The following IGFL2 variants were observed in gnomAD, a reference collection of about 807,000 sequenced individuals.
IGFL2 encodes the protein IGF like family member 2, also known as insulin growth factor-like family member 2.
IGFL2 carries 7 observed loss-of-function variants against 13.9 expected under a neutral mutation model. The ratio of observed to expected loss-of-function variants is 0.51; its 90% confidence interval spans 0.29 to 0.95. The LOEUF (loss-of-function observed/expected upper bound fraction) is 0.95. Among genes scored for constraint, IGFL2 ranks in the 40% least tolerant of loss-of-function variants. The pLI, the probability that IGFL2 is intolerant of heterozygous loss-of-function variation, is 0.08. For missense variants in IGFL2, 138 were observed against 147.8 expected, an observed-to-expected ratio of 0.93 and a Z score of 0.34; for synonymous variants, 55 against 55.8, an observed-to-expected ratio of 0.99 and a Z score of 0.07.
At chr19:46,198,035 C>A in the IGFL2 span, 8 of 117,690 alleles carry the variant, frequency 6.8e-5, no homozygotes, top group African/African-American at 2.2e-4. Context: ...CCCTTCCTTC[C>A]TTCCTTCCTG....
At chr19:46,084,368 C>T in the IGFL2 span, among the ~76,000 whole-genome samples, 1 of 152,176 alleles carries the variant, frequency 6.6e-6, no homozygotes, top group Non-Finnish European at 1.5e-5. Flanking sequence ...TCTGGTTGAT[C>T]TGTCCATTGC....
the IGFL2 span, among the ~76,000 whole-genome samples, chr19:46,088,276 G>T: frequency 6.6e-6 from 1 of 152,300 alleles, no homozygotes; most frequent in African/African-American, 2.4e-5. Context: ...CTAGTCAGCT[G>T]TGTTAAAGTC....
the IGFL2 span, among the ~76,000 whole-genome samples, chr19:46,081,922 A>G: frequency 8.5e-5 from 13 of 152,256 alleles, no homozygotes; most frequent in African/African-American, 3.1e-4. Context: ...GGCTTCATAT[A>G]CTTTATTCTG....
chr19:46,190,158 T>A, the IGFL2 span: 1 of 152,228 alleles, frequency 6.6e-6, no homozygotes, highest in African/African-American at 2.4e-5. Flanking sequence ...CCTGAGTCCA[T>A]AGGTCATCTC....
chr19:46,110,003 C>T, the IGFL2 span, among the ~76,000 whole-genome samples: 13 of 152,186 alleles, frequency 8.5e-5, no homozygotes, highest in Non-Finnish European at 1.8e-4. Flanking sequence ...TGTTTTTCGT[C>T]TGAGCTGCAT....
chr19:46,137,210 A>G, the IGFL2 span: 1 of 1,562,192 alleles, frequency 6.4e-7, no homozygotes. Flanking sequence ...TGTTTCAGAA[A>G]TCTTGGGCCC....
At chr19:46,168,742 G>A in the IGFL2 span, among the ~76,000 whole-genome samples, 2 of 152,164 alleles carry the variant, frequency 1.3e-5, no homozygotes, top group Admixed American at 6.5e-5. Context: ...TTGCATCCAT[G>A]ATCCCAGGTT....
the IGFL2 span, among the ~76,000 whole-genome samples, chr19:46,085,052 G>A: frequency 7.2e-5 from 11 of 152,172 alleles, no homozygotes. Context: ...TACCATGGGA[G>A]TACAGCTATT....
chr19:46,175,775 A>G, the IGFL2 span, among the ~76,000 whole-genome samples: 1 of 150,714 alleles, frequency 6.6e-6, no homozygotes, highest in Admixed American at 6.6e-5. Context: ...TCCTGACCTC[A>G]AGTGATCCTC....
the IGFL2 span, chr19:46,211,479 C>G: frequency 4.6e-5 from 7 of 152,200 alleles, no homozygotes; most frequent in African/African-American, 1.7e-4. Flanking sequence ...GGAAAGGCCA[C>G]TCCAAATCTG....
chr19:46,137,899 T>C, the IGFL2 span, among the ~76,000 whole-genome samples: 7 of 152,358 alleles, frequency 4.6e-5, no homozygotes, highest in East Asian at 1.4e-3. Flanking sequence ...AAAATGGCTG[T>C]TTACTCTTTA....
the IGFL2 span, among the ~76,000 whole-genome samples, chr19:46,192,621 A>C: frequency 3.9e-5 from 6 of 151,966 alleles, no homozygotes; most frequent in African/African-American, 1.4e-4. Flanking sequence ...GGGTTTCACC[A>C]TGTTGACCAG....
the IGFL2 span, among the ~76,000 whole-genome samples, chr19:46,179,009 A>G: frequency 6.6e-6 from 1 of 151,890 alleles, no homozygotes; most frequent in African/African-American, 2.4e-5. Flanking sequence ...TAGAGCAGAG[A>G]GAAGAGGCAG....
chr19:46,145,998 A>G (rs1387972197), upstream of IGFL2, among the ~76,000 whole-genome samples: 3 of 152,150 alleles, frequency 2.0e-5, no homozygotes, highest in Admixed American at 6.5e-5. Context: ...GATAAGTCCA[A>G]TCTGTTTTTA....
At chr19:46,154,172 C>A (rs768363022) in intron 1 of IGFL2, among the ~76,000 whole-genome samples, 2 of 152,122 alleles carry the variant, frequency 1.3e-5, no homozygotes, top group African/African-American at 2.4e-5. Context: ...GGAACTCATT[C>A]TTTTTTTACT....
At chr19:46,124,844 AAGG>A in the IGFL2 span, among the ~76,000 whole-genome samples, 1 of 150,804 alleles carries the variant, frequency 6.6e-6, no homozygotes, top group South Asian at 2.1e-4. Flanking sequence ...TAGTTTCTTT[AAGG>A]AGGAGACTGG....
chr19:46,178,282 G>A, the IGFL2 span, among the ~76,000 whole-genome samples: 22 of 148,994 alleles, frequency 1.5e-4, no homozygotes, highest in Non-Finnish European at 1.3e-4. Context: ...GCCTCAAAAA[G>A]AAAAAAAAAA....
chr19:46,213,218 G>A, the IGFL2 span: 1 of 152,340 alleles, frequency 6.6e-6, no homozygotes. Flanking sequence ...GCCAAAGAGG[G>A]GGCATGTAGG....
At chr19:46,139,839 ATATT>A (rs1972776238), upstream of IGFL2, among the ~76,000 whole-genome samples, 1 of 151,530 alleles carries the variant, frequency 6.6e-6, no homozygotes, top group Non-Finnish European at 1.5e-5. Context: ...ATGTCTATAT[ATATT>A]TATATGTGTG....
Sources: gnomAD v4.1 joint callset for allele counts (sites outside exome capture counted in the v4.1 genomes callset) on GRCh38, gnomAD v4.1.1 for gene constraint, MANE v1.5 for transcripts, NCBI Gene and HGNC (gene_info 2026-07-23, HGNC 2026-07-21) for gene names.